Variants in MICU1 observed in about 807,000 individuals in gnomAD.
The protein encoded by MICU1 is calcium uptake protein 1, mitochondrial.
Under a neutral mutation model 56.8 loss-of-function variants are expected in MICU1, and 45 were observed. That is an observed-to-expected ratio of 0.79 (90% confidence interval 0.62 to 1.02). MICU1 has a LOEUF of 1.02. Ranked by LOEUF, MICU1 falls within the 50% of genes least tolerant of loss-of-function variation. MICU1 has a pLI of 0.00. For missense variants in MICU1, 504 were observed against 587.1 expected (o/e 0.86, Z 1.46); for synonymous variants, 186 against 195.1 (o/e 0.95, Z 0.39).
At chr10:72,551,414 G>A (rs1840032756) in intron 3 of MICU1, 73 bp from the exon 4 acceptor site, 1 of 1,004,330 alleles carries the variant, frequency 1.0e-6, no homozygotes, top group Non-Finnish European at 1.4e-6. Flanking sequence ...TATCATCACT[G>A]CTCATCAATT....
chr10:72,503,348 G>T (rs1867138399), intron 6 of MICU1, among the ~76,000 whole-genome samples: 1 of 152,154 alleles, frequency 6.6e-6, no homozygotes, highest in East Asian at 1.9e-4. Context: ...ATAAACAAGT[G>T]GTTCTCAGAC....
intron 1 of MICU1, 85 bp downstream of exon 1, chr10:72,625,925 T>A (rs1480253031): frequency 6.6e-6 from 1 of 152,556 alleles, no homozygotes; most frequent in African/African-American, 2.4e-5. Flanking sequence ...GAAGCCCAGT[T>A]CCCTAAGGCT....
At chr10:72,486,410 T>G (rs1324919603) in intron 6 of MICU1, among the ~76,000 whole-genome samples, 1 of 152,192 alleles carries the variant, frequency 6.6e-6, no homozygotes, top group Non-Finnish European at 1.5e-5. Flanking sequence ...TGACGTATTT[T>G]GTAGAAAATT....
intron 6 of MICU1, among the ~76,000 whole-genome samples, chr10:72,481,960 TATA>T (rs1163919781): frequency 6.6e-6 from 1 of 152,240 alleles, no homozygotes; most frequent in African/African-American, 2.4e-5. Flanking sequence ...AGTCTGTTTC[TATA>T]ATATCATTCC....
At chr10:72,394,750 C>G (rs766986470) in intron 10 of MICU1, among the ~76,000 whole-genome samples, 8 of 152,202 alleles carry the variant, frequency 5.3e-5, no homozygotes, top group Non-Finnish European at 1.2e-4. Context: ...GCAGAAGGAT[C>G]CTGTGAGACC....
At chr10:72,413,091 G>C (rs1323012519) in intron 9 of MICU1, among the ~76,000 whole-genome samples, 1 of 151,996 alleles carries the variant, frequency 6.6e-6, no homozygotes, top group Non-Finnish European at 1.5e-5. Flanking sequence ...CAGCTACTCG[G>C]GAGGCTGAGG....
chr10:72,546,825 A>C (rs990058053), intron 4 of MICU1, among the ~76,000 whole-genome samples: 3 of 152,018 alleles, frequency 2.0e-5, no homozygotes, highest in Admixed American at 2.0e-4. Flanking sequence ...TCCTGGGTTC[A>C]AGTGATCCCT....
At chr10:72,468,125 G>A (rs1865848638) in intron 8 of MICU1, among the ~76,000 whole-genome samples, 2 of 152,140 alleles carry the variant, frequency 1.3e-5, no homozygotes, top group Admixed American at 6.6e-5. Flanking sequence ...ATGAGCCATC[G>A]TGCCGGGCCA....
intron 3 of MICU1, among the ~76,000 whole-genome samples, chr10:72,556,274 TA>T (rs1440566220): frequency 6.6e-6 from 1 of 152,244 alleles, no homozygotes; most frequent in African/African-American, 2.4e-5. Flanking sequence ...TCTATGACAC[TA>T]GTCTCATAAA....
chr10:72,523,820 A>G, intron 5 of MICU1: 2 of 1,527,276 alleles, frequency 1.3e-6, no homozygotes, highest in Non-Finnish European at 1.8e-6. Flanking sequence ...GTGTCCTTGA[A>G]GATCTCCTTG....
At chr10:72,624,544 T>A (rs1842183958) in intron 1 of MICU1, among the ~76,000 whole-genome samples, 1 of 152,208 alleles carries the variant, frequency 6.6e-6, no homozygotes, top group Non-Finnish European at 1.5e-5. Flanking sequence ...AACAATCTAC[T>A]GAATATAGTA....
At chr10:72,454,782 C>CAAAAAAAA (rs10591892) in intron 8 of MICU1, among the ~76,000 whole-genome samples, 1 of 119,048 alleles carries the variant, frequency 8.4e-6, no homozygotes, top group African/African-American at 3.1e-5. Flanking sequence ...AACTCCATCT[C>CAAAAAAAA]AAAAAAAAAA....
chr10:72,551,263 T>C lies in MICU1; in HGVS notation c.409A>G (p.Ile137Val). The change falls in exon 4 of 12, where the codon ATC becomes GTC. Residue 137 changes from isoleucine to valine, a missense_variant. Transcript: ENST00000361114. Reference sequence around the variant, plus strand: ...ACTTCTGCTTCACCAGGCTCACTGATGACTTTCAAGGTGGCAAAATATCGG... The same window carrying C: ...ACTTCTGCTTCACCAGGCTCACTGACGACTTTCAAGGTGGCAAAATATCGG... ...IFRYFATLKV[I>V]SEPGEAEVFM... is the part of the protein sequence containing the mutation. The C allele has an allele frequency of 3.7e-6, 6 of 1,613,652 alleles. No individual in the cohort carries two copies. Among genetic ancestry groups the C allele is most frequent in the Non-Finnish European group, 5.1e-6 (6 of 1,179,704 alleles).
At chr10:72,505,591 G>C (rs1004185308) in intron 6 of MICU1, among the ~76,000 whole-genome samples, 1 of 152,162 alleles carries the variant, frequency 6.6e-6, no homozygotes, top group Non-Finnish European at 1.5e-5. Flanking sequence ...ACTGGATAGA[G>C]AAAATGTGGT....
intron 4 of MICU1, among the ~76,000 whole-genome samples, chr10:72,544,492 C>A (rs1839851432): frequency 6.6e-6 from 1 of 152,120 alleles, no homozygotes; most frequent in Admixed American, 6.6e-5. Flanking sequence ...ATAAGGTCAG[C>A]CAGTTGGATA....
chr10:72,586,134 C>A (rs1841053284), intron 1 of MICU1, among the ~76,000 whole-genome samples: 1 of 148,120 alleles, frequency 6.8e-6, no homozygotes, highest in African/African-American at 2.5e-5. Flanking sequence ...CCTGACTCAG[C>A]CTCCAAGTAG....
At chr10:72,408,531 A>G (rs1401503180) in intron 9 of MICU1, among the ~76,000 whole-genome samples, 1 of 151,646 alleles carries the variant, frequency 6.6e-6, no homozygotes, top group African/African-American at 2.4e-5. Flanking sequence ...CTGGCCTTGA[A>G]CTCCTGACCT....
At chr10:72,474,443 T>C (rs1248996536) in intron 8 of MICU1, among the ~76,000 whole-genome samples, 5 of 152,140 alleles carry the variant, frequency 3.3e-5, no homozygotes, top group Admixed American at 1.3e-4. Flanking sequence ...TAGAATAGCA[T>C]GATGGTCTAA....
chr10:72,388,323 T>C (rs1331569851), intron 10 of MICU1, among the ~76,000 whole-genome samples: 1 of 152,248 alleles, frequency 6.6e-6, no homozygotes, highest in Admixed American at 6.5e-5. Flanking sequence ...TGGTCTGTGG[T>C]ATCCCTTAAA....
Sources: gnomAD v4.1 joint callset for allele counts (sites outside exome capture counted in the v4.1 genomes callset) on GRCh38, gnomAD v4.1.1 for gene constraint, MANE v1.5 for transcripts, NCBI Gene and HGNC (gene_info 2026-07-23, HGNC 2026-07-21) for gene names.